The following STPG2 variants were observed in gnomAD, a reference collection of about 807,000 sequenced individuals.
STPG2 encodes sperm-tail PG-rich repeat-containing protein 2.
A neutral mutation model predicts 54.2 loss-of-function variants in STPG2; 56 were observed. That is an observed-to-expected ratio of 1.03 (90% CI 0.83 to 1.29). The LOEUF is 1.29. Among genes scored for constraint, STPG2 ranks in the 50% most tolerant of loss-of-function variants. The pLI, the probability that STPG2 is intolerant of heterozygous loss-of-function variation, is 0.00. For synonymous variants in STPG2, 200 were observed against 181.8 expected, an observed-to-expected ratio of 1.10 and a Z score of -0.81; for missense variants, 596 against 544.9, an observed-to-expected ratio of 1.09 and a Z score of -0.93.
At chr4:97,968,001 A>G (rs1734177092) in intron 7 of STPG2, among the ~76,000 whole-genome samples, 2 of 152,192 alleles carry the variant, frequency 1.3e-5, no homozygotes, top group Non-Finnish European at 2.9e-5. Context: ...GCAAGAAATA[A>G]CTAAGATCAG....
chr4:97,549,320 A>T (rs917241575), intron 4 of STPG2, among the ~76,000 whole-genome samples: 2 of 152,226 alleles, frequency 1.3e-5, no homozygotes, highest in African/African-American at 4.8e-5. Context: ...ATGAGTGTTT[A>T]AAGAAAATGT....
chr4:97,536,737 C>A (rs1731541087), intron 4 of STPG2, among the ~76,000 whole-genome samples: 1 of 152,114 alleles, frequency 6.6e-6, no homozygotes, highest in Non-Finnish European at 1.5e-5. Context: ...GTGGATGAAT[C>A]AAAGGACCTG....
chr4:97,616,150 G>A (rs1174710795), intron 10 of STPG2, among the ~76,000 whole-genome samples: 2 of 138,976 alleles, frequency 1.4e-5, no homozygotes, highest in African/African-American at 5.3e-5. Context: ...CAGTTTTCAT[G>A]GAAGGTGATA....
In STPG2 at chr4:98,046,912, A is replaced by G. The variant is rs1271584119; in HGVS notation, c.612+59041T>C. On this transcript the variant is annotated intron_variant, in intron 5 of 10. Transcript: ENST00000295268. Reference sequence around the variant, plus strand: ...GAGGAGCTACAGAAATTTCCCACACACTCATTTAGTCTCCCAGAGAAATAC... The same window carrying G: ...GAGGAGCTACAGAAATTTCCCACACGCTCATTTAGTCTCCCAGAGAAATAC... Among the ~76,000 whole-genome samples, 3 of 152,168 alleles carry G rather than the reference A, an allele frequency of 2.0e-5. No individual in the cohort carries two copies. The South Asian group carries it at 6.2e-4, about 32-fold the overall frequency.
intron 4 of STPG2, among the ~76,000 whole-genome samples, chr4:97,464,023 A>G (rs1729731286): frequency 6.6e-6 from 1 of 152,110 alleles, no homozygotes; most frequent in Non-Finnish European, 1.5e-5. Context: ...ACTGAACAAC[A>G]TCTTGGTTTC....
intron 10 of STPG2, among the ~76,000 whole-genome samples, chr4:97,650,159 G>T (rs935173365): frequency 2.0e-5 from 3 of 152,118 alleles, no homozygotes; most frequent in Non-Finnish European, 2.9e-5. Context: ...GCAAGCAGTG[G>T]GGAGTGGCTG....
chr4:97,925,316 T>A (rs1242335410), intron 8 of STPG2, among the ~76,000 whole-genome samples: 1 of 152,220 alleles, frequency 6.6e-6, no homozygotes, highest in East Asian at 1.9e-4. Context: ...AGATGGCAAC[T>A]ATCAGCACTT....
chr4:98,115,201 A>G (rs1005044903), intron 3 of STPG2, among the ~76,000 whole-genome samples: 2 of 151,990 alleles, frequency 1.3e-5, no homozygotes, highest in African/African-American at 4.8e-5. Context: ...ATATGGAAAT[A>G]GAATTTGTGA....
In STPG2 at chr4:97,452,478, G is replaced by C. The variant is rs543016231; in HGVS notation, c.462+260221C>G. On this transcript the variant is annotated intron_variant, in intron 4 of 4. Transcript: ENST00000522676. The stretch of plus-strand genomic sequence containing the variant: ...TGGGAACTTGTGGTGCCTCTTCTGG[G>C]CTTGCCCATGGCTGCCCATGGACCA... Among the ~76,000 whole-genome samples the C allele has an allele frequency of 4.6e-5, 7 of 152,234 alleles. 1 individual carries two copies. In the South Asian group the frequency reaches 1.2e-3, roughly 27 times the overall value.
intron 8 of STPG2, among the ~76,000 whole-genome samples, chr4:97,938,711 C>A (rs1337393479): frequency 6.6e-6 from 1 of 152,136 alleles, no homozygotes; most frequent in Non-Finnish European, 1.5e-5. Context: ...CTGGAGGTGC[C>A]CCTTACCCCA....
intron 10 of STPG2, among the ~76,000 whole-genome samples, chr4:97,698,201 T>G (rs893471925): frequency 1.4e-4 from 21 of 152,320 alleles, no homozygotes; most frequent in African/African-American, 5.1e-4. Context: ...CCTTCATTCC[T>G]GAAGGGTCTG....
At chr4:97,797,267 G>A (rs1727223998) in intron 9 of STPG2, among the ~76,000 whole-genome samples, 1 of 152,282 alleles carries the variant, frequency 6.6e-6, no homozygotes, top group East Asian at 1.9e-4. Flanking sequence ...TCTTGTGCCA[G>A]TTTTCAAAGG....
chr4:98,076,745 T>A (rs1337729882), intron 5 of STPG2, among the ~76,000 whole-genome samples: 1 of 152,176 alleles, frequency 6.6e-6, no homozygotes, highest in Admixed American at 6.5e-5. Context: ...ACAGGTATAG[T>A]TAGAAAAGCT....
intron 10 of STPG2, among the ~76,000 whole-genome samples, chr4:97,609,071 A>T (rs1246303642): frequency 6.6e-6 from 1 of 152,046 alleles, no homozygotes; most frequent in Non-Finnish European, 1.5e-5. Flanking sequence ...TTTTATCCTT[A>T]ATTCTATATG....
chr4:97,473,108 C>A (rs1052874995), intron 4 of STPG2, among the ~76,000 whole-genome samples: 1 of 151,762 alleles, frequency 6.6e-6, no homozygotes, highest in Non-Finnish European at 1.5e-5. Flanking sequence ...ACCTCAGGAC[C>A]CTGTGATAAT....
chr4:97,712,792 A>C lies in STPG2; in HGVS notation c.1227T>G (p.Val409=). 6.2e-7 allele frequency: 1 copy of C among 1,607,726 alleles called. No homozygotes were observed. The highest frequency in any genetic ancestry group is 8.5e-7 in the Non-Finnish European group (1 of 1,176,180). ...AGGGTATGGGGCAAGATTTCCTTAAAACAGGATTGTATGCTGCAGGACCTG... is the reference window on the plus strand; with the variant it reads ...AGGGTATGGGGCAAGATTTCCTTAACACAGGATTGTATGCTGCAGGACCTG... ...DGPGPAAYNP[V]LRKSCPIPLF... Residue 409 remains valine (V), a synonymous_variant, in exon 10 of 11, where the codon GTT becomes GTG. Transcript: ENST00000295268.
chr4:97,971,422 A>G (rs1376359642), intron 7 of STPG2, among the ~76,000 whole-genome samples: 2 of 152,208 alleles, frequency 1.3e-5, no homozygotes, highest in African/African-American at 4.8e-5. Context: ...TCAATGATAG[A>G]CTAGTTTAAG....
chr4:97,798,840 G>C (rs1010179094), intron 9 of STPG2, among the ~76,000 whole-genome samples: 1 of 42,580 alleles, frequency 2.3e-5, no homozygotes, highest in African/African-American at 9.9e-5. Flanking sequence ...AGGTCTCTAA[G>C]GACTTGCTTT....
At chr4:98,116,216 T>C (rs760578803) in intron 3 of STPG2, among the ~76,000 whole-genome samples, 3 of 151,540 alleles carry the variant, frequency 2.0e-5, no homozygotes, top group Non-Finnish European at 4.4e-5. Context: ...GGAGGCATCA[T>C]TGTGGCCTTC....
Sources: gnomAD v4.1 joint callset for allele counts (sites outside exome capture counted in the v4.1 genomes callset) on GRCh38, gnomAD v4.1.1 for gene constraint, MANE v1.5 for transcripts, NCBI Gene and HGNC (gene_info 2026-07-23, HGNC 2026-07-21) for gene names.